QTMAN: variants seen among roughly 807,000 people sequenced by gnomAD.
The protein encoded by QTMAN is queuosine-tRNA mannosyltransferase.
At chr2:144,088,047 T>C in the QTMAN span, among the ~76,000 whole-genome samples, 21 of 152,100 alleles carry the variant, frequency 1.4e-4, no homozygotes, top group African/African-American at 4.8e-4. Context: ...ATCTTATGTG[T>C]AGAAAACCTA....
At chr2:144,229,040 G>C in the QTMAN span, among the ~76,000 whole-genome samples, 2 of 152,164 alleles carry the variant, frequency 1.3e-5, no homozygotes, top group South Asian at 4.2e-4. Flanking sequence ...TGAAATCAAT[G>C]GTTCTGTTTT....
the QTMAN span, among the ~76,000 whole-genome samples, chr2:144,133,527 AATAT>A: frequency 1.1e-5 from 1 of 92,174 alleles, no homozygotes; most frequent in Non-Finnish European, 2.0e-5. Context: ...TATATAAATA[AATAT>A]ATATAAAGAT....
chr2:144,070,296 C>T, the QTMAN span, among the ~76,000 whole-genome samples: 1 of 152,028 alleles, frequency 6.6e-6, no homozygotes, highest in Non-Finnish European at 1.5e-5. Context: ...AAACTGTATA[C>T]AACAAACCAT....
At chr2:144,286,742 T>C in the QTMAN span, among the ~76,000 whole-genome samples, 10 of 152,132 alleles carry the variant, frequency 6.6e-5, no homozygotes, top group Non-Finnish European at 1.5e-4. Context: ...GCAGAGTAAA[T>C]GTGGGGGACA....
the QTMAN span, among the ~76,000 whole-genome samples, chr2:144,042,583 G>A: frequency 6.6e-6 from 1 of 151,610 alleles, no homozygotes; most frequent in African/African-American, 2.4e-5. Context: ...ATGAAACCCA[G>A]TTTCTACAAA....
At chr2:144,114,582 G>A in the QTMAN span, among the ~76,000 whole-genome samples, 1 of 152,150 alleles carries the variant, frequency 6.6e-6, no homozygotes, top group Admixed American at 6.5e-5. Flanking sequence ...TGTAGAACAA[G>A]AGCGTGTTTT....
At chr2:143,990,350 C>T in the QTMAN span, among the ~76,000 whole-genome samples, 1 of 152,062 alleles carries the variant, frequency 6.6e-6, no homozygotes, top group Non-Finnish European at 1.5e-5. Flanking sequence ...AGAGTGAAGG[C>T]CACAGAAGGA....
the QTMAN span, among the ~76,000 whole-genome samples, chr2:144,137,558 G>A: frequency 1.3e-5 from 2 of 152,004 alleles, no homozygotes; most frequent in Admixed American, 6.6e-5. Context: ...CAAGACTTCC[G>A]AAATTGCATT....
chr2:144,054,502 A>AAT, the QTMAN span, among the ~76,000 whole-genome samples: 1 of 152,204 alleles, frequency 6.6e-6, no homozygotes, highest in Admixed American at 6.5e-5. Flanking sequence ...CAGAACCCCT[A>AAT]AAGACAAAAT....
chr2:143,957,350 C>A, the QTMAN span: 1 of 1,552,478 alleles, frequency 6.4e-7, no homozygotes, highest in Non-Finnish European at 8.7e-7. Context: ...CTTTTAAAAA[C>A]AAGAAAAAGA....
chr2:144,130,546 T>C, the QTMAN span, among the ~76,000 whole-genome samples: 2 of 151,936 alleles, frequency 1.3e-5, no homozygotes, highest in African/African-American at 2.4e-5. Flanking sequence ...ACATTACATA[T>C]AGGTTAATGA....
At chr2:144,198,424 T>C in the QTMAN span, among the ~76,000 whole-genome samples, 1 of 152,144 alleles carries the variant, frequency 6.6e-6, no homozygotes, top group South Asian at 2.1e-4. Context: ...AGTTGGTTCA[T>C]CTCAAGACTT....
the QTMAN span, among the ~76,000 whole-genome samples, chr2:144,120,292 T>G: frequency 6.6e-6 from 1 of 152,256 alleles, no homozygotes; most frequent in African/African-American, 2.4e-5. Flanking sequence ...CATGCTAGCC[T>G]CTAGGTAGGT....
chr2:143,962,581 G>T, the QTMAN span, among the ~76,000 whole-genome samples: 1 of 152,282 alleles, frequency 6.6e-6, no homozygotes, highest in Non-Finnish European at 1.5e-5. Flanking sequence ...TGAACTCAGT[G>T]TCAAGGTATC....
the QTMAN span, among the ~76,000 whole-genome samples, chr2:144,103,491 C>G: frequency 6.6e-6 from 1 of 152,154 alleles, no homozygotes; most frequent in Admixed American, 6.5e-5. Flanking sequence ...GTATCACAGA[C>G]CAACTCTATT....
the QTMAN span, among the ~76,000 whole-genome samples, chr2:144,031,515 A>G: frequency 6.6e-6 from 1 of 152,150 alleles, no homozygotes; most frequent in Non-Finnish European, 1.5e-5. Flanking sequence ...TGAATTTTGG[A>G]AGGAAGAGCG....
chr2:144,206,008 T>C, the QTMAN span, among the ~76,000 whole-genome samples: 1 of 152,252 alleles, frequency 6.6e-6, no homozygotes, highest in Admixed American at 6.5e-5. Flanking sequence ...ACATGAATCA[T>C]GATATATTCT....
At chr2:143,943,956 A>T in the QTMAN span, 1 of 152,238 alleles carries the variant, frequency 6.6e-6, no homozygotes, top group Non-Finnish European at 1.5e-5. Context: ...ACTGTGTCAA[A>T]GTCTTGATAA....
chr2:143,984,242 A>G, the QTMAN span, among the ~76,000 whole-genome samples: 4 of 152,218 alleles, frequency 2.6e-5, no homozygotes, highest in Non-Finnish European at 4.4e-5. Flanking sequence ...AAAACTAGAA[A>G]TAGAAGTACA....
Sources: allele counts gnomAD v4.1 joint callset (sites outside exome capture counted in the v4.1 genomes callset), GRCh38; gene constraint gnomAD v4.1.1; transcripts MANE v1.5; gene names NCBI Gene and HGNC (gene_info 2026-07-23, HGNC 2026-07-21).